PMF1: variants seen among roughly 807,000 people sequenced by gnomAD.
PMF1 encodes the protein polyamine-modulated factor 1.
PMF1 carries 21 observed loss-of-function variants against 26.7 expected under a neutral mutation model. The observed-to-expected ratio is 0.79, with a 90% confidence interval of 0.56 to 1.13. PMF1 has a LOEUF of 1.13. Among genes scored for constraint, PMF1 ranks in the 50% most tolerant of loss-of-function variants. The probability of loss-of-function intolerance (pLI) is 0.00; values close to 1 mark genes in which losing one functional copy is unlikely to be tolerated. For missense variants in PMF1, 266 were observed against 254.9 expected (o/e 1.04, Z -0.30); for synonymous variants, 105 against 101.0 (o/e 1.04, Z -0.24).
chr1:156,221,582 C>T lies in PMF1; in HGVS notation c.161+8406C>T, dbSNP rs146379612. Reference sequence around the variant, plus strand: ...TCTCTATTCTTCACTCATCACGGTGCCTGGTATACAGGAGGCATTCAGTAC... The same window carrying T: ...TCTCTATTCTTCACTCATCACGGTGTCTGGTATACAGGAGGCATTCAGTAC... On this transcript the variant is annotated intron_variant, in intron 1 of 4. Transcript: ENST00000368277. Among the ~76,000 whole-genome samples the T allele has an allele frequency of 7.4e-4, 113 of 152,268 alleles. 1 individual carries two copies. The highest frequency in any genetic ancestry group is 2.6e-3 in the African/African-American group (108 of 41,544).
chr1:156,221,089 T>A (rs1345320322), intron 1 of PMF1, among the ~76,000 whole-genome samples: 1 of 152,176 alleles, frequency 6.6e-6, no homozygotes, highest in East Asian at 1.9e-4. Flanking sequence ...AGCTGCTCCT[T>A]CCCGGGGTCC....
At chr1:156,218,949 C>G (rs1160262751) in intron 1 of PMF1, among the ~76,000 whole-genome samples, 3 of 149,278 alleles carry the variant, frequency 2.0e-5, no homozygotes, top group Non-Finnish European at 4.4e-5. Context: ...GAGACGGAGT[C>G]TCGGTCTGTC....
intron 1 of PMF1, among the ~76,000 whole-genome samples, chr1:156,227,953 A>C (rs1252101001): frequency 1.3e-5 from 1 of 76,838 alleles, no homozygotes; most frequent in East Asian, 4.0e-4. Context: ...TTTTTTTTTG[A>C]GACGGAGTTT....
chr1:156,237,925 C>T (rs982276844), intron 4 of PMF1, among the ~76,000 whole-genome samples: 5 of 149,392 alleles, frequency 3.3e-5, no homozygotes, highest in East Asian at 2.0e-4. Context: ...CCTGCTGTGA[C>T]GCCTGGTTAA....
At position 156,233,744 on chromosome 1, in the gene PMF1, G is replaced by A. The variant is rs770545494; in HGVS notation, c.368+16G>A. On this transcript the variant is annotated intron_variant, in intron 3 of 4. Coordinates refer to ENST00000368277, the MANE Select transcript of PMF1 (RefSeq NM_007221.4). ...AGCCAGCCTGGTGAGAGTGGGGTGG[G>A]GAGGTGAGAAGGTACAGGAAAGAGG... 6.2e-7 allele frequency: 1 copy of A among 1,611,446 alleles called. No homozygotes were observed. The highest frequency in any genetic ancestry group is 1.1e-5 in the South Asian group (1 of 90,810).
At chr1:156,225,588 G>A in intron 1 of PMF1, 1 of 1,559,080 alleles carries the variant, frequency 6.4e-7, no homozygotes, top group Non-Finnish European at 8.7e-7. Context: ...CGGAAGTGCT[G>A]GTCCCCGCCT....
intron 2 of PMF1, among the ~76,000 whole-genome samples, chr1:156,232,700 CT>C (rs35660146): frequency 0.39 from 56,922 of 146,696 alleles, 10,936 homozygotes; most frequent in African/African-American, 0.47. Context: ...CTGATGGGGT[CT>C]TTTTTTTTTT....
chr1:156,232,919 CTTTTTTTT>C (rs57297712), intron 2 of PMF1, among the ~76,000 whole-genome samples: 1 of 114,322 alleles, frequency 8.7e-6, no homozygotes, highest in Non-Finnish European at 1.7e-5. Flanking sequence ...TTTTTTCTTC[CTTTTTTTT>C]TTTTTTTTTT....
rs891822695 is a variant in PMF1, at chr1:156,213,045, C to T, written c.30C>T (p.Gly10=). The part of the protein sequence containing the change: MAEASSANL[G]SGCEEKRHEG... ...CCGAAGCAAGTAGCGCCAATCTAGGCAGCGGCTGTGAGGAAAAAAGGCATG... is the reference window on the plus strand; with the variant it reads ...CCGAAGCAAGTAGCGCCAATCTAGGTAGCGGCTGTGAGGAAAAAAGGCATG... The change falls in exon 1 of 5, where the codon GGC becomes GGT. Residue 10 remains glycine, a synonymous_variant. Coordinates refer to ENST00000368277, the MANE Select transcript of PMF1 (RefSeq NM_007221.4). The T allele has an allele frequency of 6.2e-7, 1 of 1,614,214 alleles. No homozygotes were observed. The highest frequency in any genetic ancestry group is 8.5e-7 in the Non-Finnish European group (1 of 1,180,022).
rs184217913 is a variant in PMF1 at position 156,235,310 on chromosome 1, G to A, written c.369-978G>A. Among the ~76,000 whole-genome samples the A allele has an allele frequency of 7.3e-3, 1,101 of 151,604 alleles. 8 individuals are homozygous for A. Among genetic ancestry groups the A allele is most frequent in the Non-Finnish European group, 1.0e-2 (677 of 67,880 alleles). On this transcript the variant is annotated intron_variant, in intron 3 of 4. Coordinates refer to ENST00000368277, the MANE Select transcript of PMF1 (RefSeq NM_007221.4). ...GGCTAATTTTTGTATTTTTAGTAGA[G>A]ATGGGGTTTCACCATGTTGGCCAGG...
In PMF1 at chr1:156,233,626, A is replaced by T; in HGVS notation, c.268-2A>T. 1 of 1,613,640 alleles carries T rather than the reference A, an allele frequency of 6.2e-7. No individual in the cohort carries two copies. Among genetic ancestry groups the T allele is most frequent in the Non-Finnish European group, 8.5e-7 (1 of 1,179,752 alleles). On this transcript the variant is annotated splice_acceptor_variant, in intron 2 of 4. Coordinates refer to ENST00000368277, the MANE Select transcript of PMF1 (RefSeq NM_007221.4). LOFTEE classifies it high-confidence loss of function. Reference sequence around the variant, plus strand: ...TACAGCTCTTTCCTCCTTTCTCTTCAGGAGGAAATCTCTGACATCAAAGAG... The same window carrying T: ...TACAGCTCTTTCCTCCTTTCTCTTCTGGAGGAAATCTCTGACATCAAAGAG...
intron 3 of PMF1, among the ~76,000 whole-genome samples, chr1:156,235,161 C>A (rs1658933125): frequency 6.7e-6 from 1 of 150,016 alleles, no homozygotes; most frequent in Admixed American, 6.7e-5. Context: ...ACTCATTTGT[C>A]CAGGCCAGGC....
intron 1 of PMF1, among the ~76,000 whole-genome samples, chr1:156,213,519 T>C (rs1051074111): frequency 6.6e-6 from 1 of 152,200 alleles, no homozygotes; most frequent in African/African-American, 2.4e-5. Context: ...TCGCCCAGGC[T>C]GGAGTGCAGT....
intron 1 of PMF1, among the ~76,000 whole-genome samples, chr1:156,225,282 CTTTTTTTTTTTTTT>C (rs58481427): frequency 1.4e-5 from 1 of 71,664 alleles, no homozygotes; most frequent in Admixed American, 2.0e-4. Context: ...CAGTCCTCAG[CTTTTTTTTTTTTTT>C]TTTTTTTTTT....
chr1:156,228,010 C>T (rs1442293700), intron 1 of PMF1, among the ~76,000 whole-genome samples: 1 of 149,412 alleles, frequency 6.7e-6, no homozygotes, highest in African/African-American at 2.5e-5. Context: ...TCTCAGCTCA[C>T]TGCAACCTCC....
At chr1:156,238,936 T>C (rs1659194455) in intron 4 of PMF1, among the ~76,000 whole-genome samples, 1 of 152,054 alleles carries the variant, frequency 6.6e-6, no homozygotes, top group Non-Finnish European at 1.5e-5. Context: ...AGTTGTGTCT[T>C]GGGCACTCCC....
Position 156,233,698 on chromosome 1 carries a change from AAGAAGGCAAAGTCCG to A in PMF1, c.339_353del (p.Glu113_Arg118delinsAsp). On this transcript the variant is annotated inframe_deletion, in exon 3 of 5. Transcript: ENST00000368277. ...TTGAATGCCTTGGATAAAATTGTGG[AAGAAGGCAAAGTCCG>A]CAAAGAGCCAGCCTGGTGAGAGTGG... The A allele has an allele frequency of 6.2e-7, 1 of 1,614,006 alleles. No individual in the cohort carries two copies. Among genetic ancestry groups the A allele is most frequent in the South Asian group, 1.1e-5 (1 of 91,088 alleles).
intron 1 of PMF1, among the ~76,000 whole-genome samples, chr1:156,224,989 T>C (rs1658278107): frequency 6.6e-6 from 1 of 150,832 alleles, no homozygotes; most frequent in African/African-American, 2.4e-5. Context: ...AACCTCCGCC[T>C]CCCGGGTTAA....
chr1:156,221,635 A>G (rs939955422), intron 1 of PMF1, among the ~76,000 whole-genome samples: 3 of 152,184 alleles, frequency 2.0e-5, no homozygotes, highest in African/African-American at 7.2e-5. Flanking sequence ...GGGATTCCCA[A>G]GCAATATCTC....
Sources: allele counts gnomAD v4.1 joint callset (sites outside exome capture counted in the v4.1 genomes callset), GRCh38; gene constraint gnomAD v4.1.1; transcripts MANE v1.5; gene names NCBI Gene and HGNC (gene_info 2026-07-23, HGNC 2026-07-21).